Variants in ARFGAP3 observed in about 807,000 individuals in gnomAD.
ARFGAP3 encodes ARF GTPase activating protein 3.
ARFGAP3 carries 72 observed loss-of-function variants against 75.0 expected under a neutral mutation model. The ratio of observed to expected loss-of-function variants is 0.96; its 90% CI spans 0.79 to 1.17. The LOEUF is 1.17. Among genes scored for constraint, ARFGAP3 ranks in the 50% most tolerant of loss-of-function variants. The pLI, the probability that ARFGAP3 is intolerant of heterozygous loss-of-function variation, is 0.00. For synonymous variants in ARFGAP3, 221 were observed against 217.9 expected (o/e 1.01, Z -0.13); for missense variants, 620 against 626.6 (o/e 0.99, Z 0.11).
chr22:42,811,760 C>T (rs1161799100), intron 11 of ARFGAP3, among the ~76,000 whole-genome samples: 4 of 152,220 alleles, frequency 2.6e-5, no homozygotes, highest in Non-Finnish European at 2.9e-5. Context: ...CAGAGAGCAG[C>T]ACTCAGTGTT....
intron 2 of ARFGAP3, among the ~76,000 whole-genome samples, chr22:42,843,371 A>C (rs1246383273): frequency 1.3e-5 from 2 of 152,092 alleles, no homozygotes; most frequent in Admixed American, 1.3e-4. Context: ...CCGAGTGCTG[A>C]CCTCAATTTT....
chr22:42,812,265 G>A (rs1170549146), intron 11 of ARFGAP3, among the ~76,000 whole-genome samples: 1 of 145,986 alleles, frequency 6.8e-6, no homozygotes, highest in Non-Finnish European at 1.5e-5. Context: ...TGCCATGCCA[G>A]AATTCACGAT....
intron 2 of ARFGAP3, 60 bp downstream of exon 2, chr22:42,847,454 A>G (rs936917214): frequency 1.4e-6 from 2 of 1,451,470 alleles, no homozygotes; most frequent in East Asian, 2.3e-5. Flanking sequence ...GAAAAAAGGG[A>G]AAAAAACACC....
chr22:42,844,818 T>C (rs1030779258), intron 2 of ARFGAP3, among the ~76,000 whole-genome samples: 12 of 152,198 alleles, frequency 7.9e-5, no homozygotes, highest in African/African-American at 2.9e-4. Context: ...GCCCAAATCC[T>C]AGACTCCTGC....
chr22:42,807,211 C>G, intron 13 of ARFGAP3, 48 bp from the exon 14 acceptor site: 1 of 1,553,938 alleles, frequency 6.4e-7, no homozygotes, highest in Non-Finnish European at 8.7e-7. Flanking sequence ...AGATTGTGGG[C>G]AGTTTTGCAA....
In ARFGAP3 at chr22:42,817,209, T is replaced by TTA. The variant is rs1399734549; in HGVS notation, c.996_997insTA (p.Ile333Ter). The TTA allele has an allele frequency of 5.0e-6, 8 of 1,613,702 alleles. No individual in the cohort carries two copies. Among genetic ancestry groups the TTA allele is most frequent in the Non-Finnish European group, 6.8e-6 (8 of 1,179,850 alleles). Reference sequence around the variant, plus strand: ...TACTTTTTTCTTGGTTTTGCCATAATGGGTGATTCCTGCTCTATGGTCTGC... The same window carrying TTA: ...TACTTTTTTCTTGGTTTTGCCATAATTAGGGTGATTCCTGCTCTATGGTCTGC... On this transcript the variant is annotated frameshift_variant, in exon 11 of 16. Transcript: ENST00000263245. LOFTEE classifies it high-confidence loss of function.
intron 1 of ARFGAP3, chr22:42,853,313 G>A (rs1339134935): frequency 5.7e-6 from 1 of 174,430 alleles, no homozygotes. Context: ...TCACTCAGAT[G>A]GGCCATCACC....
intron 9 of ARFGAP3, among the ~76,000 whole-genome samples, chr22:42,821,809 A>G (rs1156700159): frequency 6.6e-6 from 1 of 152,198 alleles, no homozygotes; most frequent in Non-Finnish European, 1.5e-5. Context: ...AAGGACTGCC[A>G]AACTGTTTTT....
intron 14 of ARFGAP3, among the ~76,000 whole-genome samples, chr22:42,802,540 G>A (rs1423590468): frequency 1.4e-4 from 21 of 149,978 alleles, no homozygotes; most frequent in Non-Finnish European, 4.4e-5. Context: ...TGATCCACCC[G>A]CCTCAGCCTC....
In ARFGAP3 at chr22:42,847,590, T is replaced by A. The variant is rs542653008; in HGVS notation, c.112A>T (p.Ile38Leu). The change falls in exon 2 of 16, where the codon ATA (isoleucine) becomes TTA (leucine). Residue 38 changes from isoleucine to leucine, a missense_variant. Ile to Leu is a conservative substitution (Grantham distance 5). Coordinates refer to ENST00000263245, the MANE Select transcript of ARFGAP3 (RefSeq NM_014570.5). ...CGAKNPSWAS[I>L]TYGVFLCIDC... ...ATGCAAAGGAACACTCCATAGGTTA[T>A]GCTTGCCCAGCTGGGATTTTTGGCA... The A allele has an allele frequency of 8.1e-6, 13 of 1,613,598 alleles. No homozygotes were observed. In the South Asian group the frequency reaches 1.1e-4, roughly 14 times the overall value.
intron 11 of ARFGAP3, among the ~76,000 whole-genome samples, chr22:42,816,795 G>A (rs946882735): frequency 5.3e-5 from 8 of 152,164 alleles, no homozygotes; most frequent in African/African-American, 1.9e-4. Flanking sequence ...CTGAAGCCCT[G>A]AGAAAGAGCT....
chr22:42,849,673 C>T (rs1334877695), intron 1 of ARFGAP3, among the ~76,000 whole-genome samples: 1 of 151,854 alleles, frequency 6.6e-6, no homozygotes, highest in Non-Finnish European at 1.5e-5. Flanking sequence ...GAGCCATCCA[C>T]CCCCCTCAGC....
intron 1 of ARFGAP3, among the ~76,000 whole-genome samples, chr22:42,850,263 G>GA (rs968969315): frequency 8.0e-5 from 12 of 150,022 alleles, no homozygotes; most frequent in South Asian, 2.1e-4. Flanking sequence ...CTTTTTGCAG[G>GA]AAAAAAAAAT....
At chr22:42,807,186 A>G in intron 13 of ARFGAP3, 23 bp from the exon 14 acceptor site, 2 of 1,593,214 alleles carry the variant, frequency 1.3e-6, no homozygotes, top group South Asian at 2.3e-5. Context: ...AGGAAAAGGA[A>G]ATGTTAGGCT....
At chr22:42,807,362 G>T in intron 13 of ARFGAP3, 199 bp from the exon 14 acceptor site, 2 of 663,632 alleles carry the variant, frequency 3.0e-6, no homozygotes, top group Non-Finnish European at 3.7e-6. Flanking sequence ...CAGGTCACAG[G>T]CAGACTGATC....
chr22:42,808,123 C>A (rs905434389), intron 13 of ARFGAP3, among the ~76,000 whole-genome samples: 4 of 151,664 alleles, frequency 2.6e-5, no homozygotes, highest in Non-Finnish European at 4.4e-5. Context: ...TCTGGCTGGG[C>A]GTGGTGGCTC....
At chr22:42,814,794 T>C (rs1925508661) in intron 11 of ARFGAP3, among the ~76,000 whole-genome samples, 1 of 152,222 alleles carries the variant, frequency 6.6e-6, no homozygotes, top group Non-Finnish European at 1.5e-5. Context: ...TGGAGTGCAG[T>C]GGTGCAATCT....
At chr22:42,819,494 TAAG>T (rs1313176303) in intron 9 of ARFGAP3, among the ~76,000 whole-genome samples, 1 of 152,190 alleles carries the variant, frequency 6.6e-6, no homozygotes, top group Non-Finnish European at 1.5e-5. Context: ...CACCAACAGT[TAAG>T]AAGTCAGAAC....
chr22:42,839,554 C>T (rs1323121115), intron 3 of ARFGAP3, among the ~76,000 whole-genome samples: 3 of 146,912 alleles, frequency 2.0e-5, no homozygotes, highest in African/African-American at 5.1e-5. Flanking sequence ...GCTGAGATGG[C>T]GCCACTGCAC....
Sources: allele counts gnomAD v4.1 joint callset (sites outside exome capture counted in the v4.1 genomes callset), GRCh38; gene constraint gnomAD v4.1.1; transcripts MANE v1.5; gene names NCBI Gene and HGNC (gene_info 2026-07-23, HGNC 2026-07-21).